LHX8: variants seen among roughly 807,000 people sequenced by gnomAD.
LHX8 encodes LIM homeobox 8.
Under a neutral mutation model 40.3 loss-of-function variants are expected in LHX8, and 12 were observed. The observed-to-expected ratio is 0.30, with a 90% CI of 0.19 to 0.48. LHX8 has a LOEUF of 0.48. Ranked by LOEUF, LHX8 falls within the 20% of genes least tolerant of loss-of-function variation. The pLI is 0.99. For missense variants in LHX8, 344 were observed against 433.7 expected (o/e 0.79, Z 1.84); for synonymous variants, 179 against 162.0 (o/e 1.10, Z -0.80).
intron 6 of LHX8, among the ~76,000 whole-genome samples, chr1:75,144,677 A>G (rs949489977): frequency 1.3e-5 from 2 of 152,046 alleles, no homozygotes; most frequent in Non-Finnish European, 1.5e-5. Context: ...TCCTTCTGGC[A>G]TTTTTGCAGA....
At chr1:75,178,526 T>C in the LHX8 span, among the ~76,000 whole-genome samples, 1 of 152,208 alleles carries the variant, frequency 6.6e-6, no homozygotes, top group East Asian at 1.9e-4. Flanking sequence ...ATATCCCCTT[T>C]ATCATTTTTT....
rs1037186077 is a variant in LHX8 at position 75,161,326 on chromosome 1, C to A, written c.*431C>A. 5.7e-6 allele frequency: 1 copy of A among 176,122 alleles called. No homozygotes were observed. The highest frequency in any genetic ancestry group is 1.2e-5 in the Non-Finnish European group (1 of 82,814). The allele number at this position is 176,122 out of a possible 1,614,324, so 10.9% of individuals were successfully genotyped here. On this transcript the variant is annotated 3_prime_UTR_variant, in exon 9 of 9. Coordinates refer to ENST00000356261, the MANE Select transcript of LHX8 (RefSeq NM_001256114.2). ...ATTTTTTGTTATATACAACTTTATA[C>A]TTTGAAGCTTGTATCTGTGAATTTG...
chr1:75,133,725 C>CA (rs1648034305), upstream of LHX8, among the ~76,000 whole-genome samples: 2 of 152,214 alleles, frequency 1.3e-5, no homozygotes, highest in Admixed American at 6.5e-5. Flanking sequence ...CCCCGCCCCG[C>CA]AGTCAGAACT....
the LHX8 span, among the ~76,000 whole-genome samples, chr1:75,173,629 G>T: frequency 1.6e-4 from 25 of 151,812 alleles, no homozygotes; most frequent in Non-Finnish European, 3.2e-4. Context: ...TGATCTGCCC[G>T]CCTCGGCCTC....
the LHX8 span, among the ~76,000 whole-genome samples, chr1:75,176,900 A>C: frequency 6.6e-6 from 1 of 152,184 alleles, no homozygotes; most frequent in African/African-American, 2.4e-5. Context: ...ATGGCTAGCC[A>C]GTTTTCCTAG....
intron 7 of LHX8, among the ~76,000 whole-genome samples, chr1:75,153,524 T>G (rs908322892): frequency 2.0e-5 from 3 of 151,848 alleles, no homozygotes; most frequent in Non-Finnish European, 4.4e-5. Flanking sequence ...GTGATTCTCC[T>G]CCTCAGCCTC....
At chr1:75,176,448 C>T in the LHX8 span, among the ~76,000 whole-genome samples, 1 of 152,110 alleles carries the variant, frequency 6.6e-6, no homozygotes, top group East Asian at 1.9e-4. Context: ...TTTCATGTGT[C>T]TGTTGGCTGC....
the LHX8 span, among the ~76,000 whole-genome samples, chr1:75,181,545 C>T: frequency 6.6e-6 from 1 of 152,204 alleles, no homozygotes; most frequent in Non-Finnish European, 1.5e-5. Flanking sequence ...TTTGCTAAGA[C>T]CATTGGAAAA....
At chr1:75,133,873 C>A (rs12077796), upstream of LHX8, among the ~76,000 whole-genome samples, 1,419 of 152,254 alleles carry the variant, frequency 9.3e-3, 29 homozygotes, top group African/African-American at 0.032. Context: ...TTGTGTTGCT[C>A]AGATGTTCCT....
At chr1:75,154,283 CCTT>C (rs932756606) in intron 7 of LHX8, among the ~76,000 whole-genome samples, 10 of 152,092 alleles carry the variant, frequency 6.6e-5, no homozygotes, top group African/African-American at 2.2e-4. Flanking sequence ...TTGCAAACCT[CCTT>C]CTGCTTGATT....
At chr1:75,165,784 T>G (rs973355712), downstream of LHX8, among the ~76,000 whole-genome samples, 3 of 152,164 alleles carry the variant, frequency 2.0e-5, no homozygotes, top group Non-Finnish European at 4.4e-5. Context: ...AAAACAGATC[T>G]TTTCAAATCC....
Position 75,137,170 on chromosome 1 carries a change from C to G in LHX8, c.146C>G (p.Pro49Arg). The stretch of plus-strand genomic sequence containing the variant: ...GCCCCGCTGTCCCCGTCGTCCTCGC[C>G]CCGGTCCATGGCCTCGGGCTCCGGC... The part of the protein sequence containing the change: ...SSAPLSPSSS[P>R]RSMASGSGCP... The change falls in exon 3 of 9, where the codon CCC (proline) becomes CGC (arginine). Residue 49 changes from proline (P) to arginine (R), a missense_variant. Pro to Arg is a moderately radical substitution (Grantham distance 103). Coordinates refer to ENST00000356261, the MANE Select transcript of LHX8 (RefSeq NM_001256114.2). The G allele has an allele frequency of 1.2e-6, 2 of 1,613,448 alleles. No individual in the cohort carries two copies. The highest frequency in any genetic ancestry group is 8.5e-7 in the Non-Finnish European group (1 of 1,179,916).
At chr1:75,154,377 T>C (rs1648697745) in intron 7 of LHX8, among the ~76,000 whole-genome samples, 1 of 144,310 alleles carries the variant, frequency 6.9e-6, no homozygotes, top group Non-Finnish European at 1.5e-5. Flanking sequence ...CATGTTTATT[T>C]ACAAAGTTTG....
chr1:75,164,718 C>A (rs1487971243), downstream of LHX8, among the ~76,000 whole-genome samples: 1 of 150,828 alleles, frequency 6.6e-6, no homozygotes, highest in Non-Finnish European at 1.5e-5. Context: ...TTTCGGAGAA[C>A]CAGTATCCTT....
rs2100327956 is a variant in LHX8, at chr1:75,135,192, G to A, written c.-13+238G>A. Among the ~76,000 whole-genome samples, 3 of 152,340 alleles carry A rather than the reference G, an allele frequency of 2.0e-5. No homozygotes were observed. The South Asian group carries it at 6.2e-4, about 32-fold the overall frequency. ...TAAAATGCCAAAAGAAAACCGCAGG[G>A]CACAAAACGAGTCACGCGGTTTGTC... is the stretch of plus-strand genomic sequence containing the variant. On this transcript the variant is annotated intron_variant, in intron 1 of 8. Coordinates refer to ENST00000356261, the MANE Select transcript of LHX8 (RefSeq NM_001256114.2).
chr1:75,193,918 T>C, the LHX8 span, among the ~76,000 whole-genome samples: 5 of 152,208 alleles, frequency 3.3e-5, no homozygotes, highest in Non-Finnish European at 7.3e-5. Context: ...TAAATACTCA[T>C]GGTGCTTTGC....
chr1:75,153,703 C>A (rs561290440), intron 7 of LHX8, among the ~76,000 whole-genome samples: 1 of 152,176 alleles, frequency 6.6e-6, no homozygotes, highest in South Asian at 2.1e-4. Flanking sequence ...GCCACCACGC[C>A]GGGTCTAGTT....
the LHX8 span, among the ~76,000 whole-genome samples, chr1:75,173,450 C>A: frequency 1.5e-5 from 2 of 134,274 alleles, no homozygotes; most frequent in African/African-American, 2.8e-5. Flanking sequence ...GTGGCACGAT[C>A]TCGACTCACT....
intron 7 of LHX8, among the ~76,000 whole-genome samples, chr1:75,151,154 A>G (rs1557492227): frequency 2.6e-5 from 4 of 152,192 alleles, no homozygotes; most frequent in Non-Finnish European, 5.9e-5. Flanking sequence ...GTAAGCCTAA[A>G]GGTTTCATAA....
Sources: allele counts gnomAD v4.1 joint callset (sites outside exome capture counted in the v4.1 genomes callset), GRCh38; gene constraint gnomAD v4.1.1; transcripts MANE v1.5; gene names NCBI Gene and HGNC (gene_info 2026-07-23, HGNC 2026-07-21).